The following SORBS2 variants were observed in gnomAD, a reference collection of about 807,000 sequenced individuals.
The protein encoded by SORBS2 is sorbin and SH3 domain-containing protein 2.
SORBS2 carries 46 observed loss-of-function variants against 97.7 expected under a neutral mutation model. The observed-to-expected ratio is 0.47, with a 90% CI of 0.37 to 0.60. The LOEUF (loss-of-function observed/expected upper bound fraction) is 0.60. Among genes scored for constraint, SORBS2 ranks in the 20% least tolerant of loss-of-function variants. The pLI is 0.00. For missense variants in SORBS2, 1,316 were observed against 1,282.3 expected, an observed-to-expected ratio of 1.03 and a Z score of -0.40; for synonymous variants, 476 against 473.4, an observed-to-expected ratio of 1.01 and a Z score of -0.07.
chr4:185,725,315 G>C (rs1295675261), intron 2 of SORBS2, among the ~76,000 whole-genome samples: 1 of 152,180 alleles, frequency 6.6e-6, no homozygotes, highest in Non-Finnish European at 1.5e-5. Context: ...ACTGCTGTTG[G>C]ATATTCTAAC....
At position 185,623,913 on chromosome 4, in the gene SORBS2, G is replaced by T. The variant is rs771692694; in HGVS notation, c.1216C>A (p.Pro406Thr). The T allele has an allele frequency of 1.9e-6, 3 of 1,614,182 alleles. No homozygotes were observed. In the Admixed American group the frequency reaches 5.0e-5, roughly 27 times the overall value. ...ATGCGTGTGGGCACCATGTCCCGGGGCACCTCCTCCGTGGAGCACTGGCTC... is the reference window on the plus strand; with the variant it reads ...ATGCGTGTGGGCACCATGTCCCGGGTCACCTCCTCCGTGGAGCACTGGCTC... The change falls in exon 7 of 15, where the codon CCC becomes ACC. Residue 406 changes from proline (P) to threonine (T), a missense_variant. Coordinates refer to ENST00000418609, the Ensembl canonical transcript of SORBS2. The surrounding 1 kb of genome is among the most constrained non-coding windows in gnomAD (Gnocchi z 6.4).
intron 1 of SORBS2, among the ~76,000 whole-genome samples, chr4:185,858,225 G>A (rs917951341): frequency 3.9e-5 from 6 of 152,074 alleles, no homozygotes; most frequent in Non-Finnish European, 5.9e-5. Context: ...GAAATATTGG[G>A]GGCTGGTTCC....
intron 2 of SORBS2, among the ~76,000 whole-genome samples, chr4:185,700,984 G>C (rs1302631071): frequency 6.6e-6 from 1 of 152,210 alleles, no homozygotes; most frequent in Non-Finnish European, 1.5e-5. Context: ...GTGGAGAACA[G>C]TGAAGCTTAT....
intron 1 of SORBS2, among the ~76,000 whole-genome samples, chr4:185,872,547 C>T (rs1480984962): frequency 2.0e-5 from 3 of 152,156 alleles, no homozygotes; most frequent in Non-Finnish European, 4.4e-5. Context: ...ATAACAATCA[C>T]TTTCAAGGAA....
intron 1 of SORBS2, among the ~76,000 whole-genome samples, chr4:185,881,610 C>A (rs2099236916): frequency 6.6e-6 from 1 of 152,138 alleles, no homozygotes; most frequent in South Asian, 2.1e-4. Context: ...AAAATGCCAA[C>A]AACTTCTGAC....
intron 2 of SORBS2, among the ~76,000 whole-genome samples, chr4:185,721,031 T>C (rs901455628): frequency 2.0e-5 from 3 of 150,166 alleles, no homozygotes; most frequent in African/African-American, 7.4e-5. Flanking sequence ...TGAGACAATC[T>C]ACCACAAAGT....
At chr4:185,644,256 C>T (rs2097174157) in intron 4 of SORBS2, among the ~76,000 whole-genome samples, 1 of 152,134 alleles carries the variant, frequency 6.6e-6, no homozygotes, top group African/African-American at 2.4e-5. Context: ...CTTATCTTCT[C>T]CTGTGGCTGC....
chr4:185,850,473 T>C (rs2099217219), intron 1 of SORBS2, among the ~76,000 whole-genome samples: 1 of 152,208 alleles, frequency 6.6e-6, no homozygotes, highest in African/African-American at 2.4e-5. Context: ...CTTGGTATCC[T>C]GGCATCACTG....
intron 9 of SORBS2, 107 bp from the exon 22 acceptor site, chr4:185,615,266 T>C (rs1561425851): frequency 1.6e-5 from 11 of 700,464 alleles, no homozygotes; most frequent in Non-Finnish European, 2.8e-5. Context: ...CTTACAATAT[T>C]AAAAAATCCA....
chr4:185,646,873 T>A (rs927239964), intron 3 of SORBS2, 91 bp from the exon 13 acceptor site: 1 of 741,504 alleles, frequency 1.3e-6, no homozygotes, highest in Non-Finnish European at 2.3e-6. Flanking sequence ...ACATTACTTT[T>A]AGCATAGTTT....
intron 7 of SORBS2, among the ~76,000 whole-genome samples, chr4:185,621,566 A>G (rs2096720424): frequency 6.6e-6 from 1 of 152,164 alleles, no homozygotes; most frequent in South Asian, 2.1e-4. Flanking sequence ...GTAGAAATTG[A>G]TTTTTTAAAT....
At chr4:185,653,464 C>T (rs1216295807) in intron 1 of SORBS2, among the ~76,000 whole-genome samples, 1 of 152,140 alleles carries the variant, frequency 6.6e-6, no homozygotes, top group East Asian at 1.9e-4. Context: ...AGATTCAAAT[C>T]TTGGTTCCTT....
intron 2 of SORBS2, among the ~76,000 whole-genome samples, chr4:185,729,309 C>T (rs1442719948): frequency 6.6e-6 from 1 of 152,188 alleles, no homozygotes. Context: ...CATTAACTTT[C>T]TACTCATCTC....
chr4:185,910,692 C>T (rs1330474298), intron 1 of SORBS2, among the ~76,000 whole-genome samples: 1 of 152,154 alleles, frequency 6.6e-6, no homozygotes, highest in African/African-American at 2.4e-5. Flanking sequence ...CCTCCCACCT[C>T]AGCCTCCTGA....
At chr4:185,599,738 T>C (rs1255295388) in intron 12 of SORBS2, among the ~76,000 whole-genome samples, 2 of 152,084 alleles carry the variant, frequency 1.3e-5, no homozygotes, top group African/African-American at 4.8e-5. Context: ...ATTTGTAGAG[T>C]AGAGAATCTG....
intron 2 of SORBS2, among the ~76,000 whole-genome samples, chr4:185,738,542 G>A (rs775571857): frequency 1.8e-4 from 28 of 151,972 alleles, no homozygotes; most frequent in African/African-American, 3.1e-4. Flanking sequence ...TTTTTGTTTC[G>A]TGCCAAAAAA....
At chr4:185,838,677 C>T (rs1450296757) in intron 1 of SORBS2, among the ~76,000 whole-genome samples, 1 of 152,230 alleles carries the variant, frequency 6.6e-6, no homozygotes, top group African/African-American at 2.4e-5. Flanking sequence ...TCCTTTCACT[C>T]TTGCATCCTG....
intron 2 of SORBS2, among the ~76,000 whole-genome samples, chr4:185,699,318 G>A (rs1383719721): frequency 1.6e-5 from 2 of 122,764 alleles, no homozygotes; most frequent in African/African-American, 6.3e-5. Flanking sequence ...ACAGAGTCTC[G>A]CTCTGTTGGC....
intron 12 of SORBS2, among the ~76,000 whole-genome samples, chr4:185,599,108 A>C (rs1241095661): frequency 6.6e-6 from 1 of 152,258 alleles, no homozygotes; most frequent in African/African-American, 2.4e-5. Context: ...TGCAAAAAGC[A>C]CAAAGTGGCA....
Sources: gnomAD v4.1 joint callset for allele counts (sites outside exome capture counted in the v4.1 genomes callset) on GRCh38, gnomAD v4.1.1 for gene constraint, Gnocchi (gnomAD v3.1) non-coding constraint, MANE v1.5 for transcripts, NCBI Gene and HGNC (gene_info 2026-07-23, HGNC 2026-07-21) for gene names.